The following ART3 variants were observed in gnomAD, a reference collection of about 807,000 sequenced individuals.
The protein encoded by ART3 is ecto-ADP-ribosyltransferase 3.
A neutral mutation model predicts 48.5 loss-of-function variants in ART3; 49 were observed. The ratio of observed to expected loss-of-function variants is 1.01; its 90% confidence interval spans 0.80 to 1.28. The LOEUF is 1.28. ART3 is among the 50% of genes most tolerant of loss of function. The pLI is 0.00. For missense variants in ART3, 438 were observed against 454.3 expected (o/e 0.96, Z 0.33); for synonymous variants, 145 against 157.2 (o/e 0.92, Z 0.58).
chr4:76,053,981 A>G (rs1022970871), intron 1 of ART3, among the ~76,000 whole-genome samples: 4 of 152,196 alleles, frequency 2.6e-5, no homozygotes, highest in Non-Finnish European at 5.9e-5. Context: ...TAATTTTTCA[A>G]GTTGGGAAAC....
At chr4:76,083,552 A>G (rs1044915911) in intron 3 of ART3, among the ~76,000 whole-genome samples, 1 of 152,148 alleles carries the variant, frequency 6.6e-6, no homozygotes, top group Non-Finnish European at 1.5e-5. Context: ...CATGTCACTC[A>G]TGCTCTTTCT....
At chr4:76,049,753 G>T (rs530614267) in intron 1 of ART3, among the ~76,000 whole-genome samples, 1 of 151,992 alleles carries the variant, frequency 6.6e-6, no homozygotes, top group East Asian at 1.9e-4. Context: ...TGGTCTTACC[G>T]CTCGGCGATA....
intron 1 of ART3, among the ~76,000 whole-genome samples, chr4:76,023,718 C>A (rs1026180652): frequency 6.6e-6 from 1 of 152,112 alleles, no homozygotes; most frequent in Non-Finnish European, 1.5e-5. Flanking sequence ...GTTTCACTTT[C>A]CAAAACATGA....
intron 1 of ART3, among the ~76,000 whole-genome samples, chr4:76,049,779 G>A (rs1328297539): frequency 6.6e-6 from 1 of 152,066 alleles, no homozygotes; most frequent in Admixed American, 6.6e-5. Flanking sequence ...AAGTCCCTTC[G>A]TGGTTGCCAA....
chr4:76,065,902 T>A (rs536285636), intron 1 of ART3, among the ~76,000 whole-genome samples: 1 of 152,160 alleles, frequency 6.6e-6, no homozygotes, highest in Admixed American at 6.5e-5. Flanking sequence ...CTGTAACCTT[T>A]AAGATTATCC....
intron 3 of ART3, among the ~76,000 whole-genome samples, chr4:76,088,134 T>G (rs891153214): frequency 1.3e-5 from 2 of 152,040 alleles, no homozygotes; most frequent in African/African-American, 4.8e-5. Flanking sequence ...AAATACCTGG[T>G]GGGAAGCCAT....
intron 3 of ART3, among the ~76,000 whole-genome samples, chr4:76,086,797 T>TGG (rs1723685849): frequency 6.6e-6 from 1 of 152,200 alleles, no homozygotes; most frequent in Admixed American, 6.5e-5. Flanking sequence ...CCAAGCCAGC[T>TGG]GGGGCCAGTT....
chr4:76,022,696 C>G, intron 1 of ART3: 1 of 1,613,654 alleles, frequency 6.2e-7, no homozygotes. Flanking sequence ...CTCACATGAT[C>G]TCAACACGTG....
intron 11 of ART3, chr4:76,112,079 G>A (rs1729599827): frequency 3.8e-6 from 1 of 261,198 alleles, no homozygotes; most frequent in African/African-American, 2.2e-5. Flanking sequence ...TCTATTATCA[G>A]TAAGGCTTCC....
chr4:76,030,605 A>G (rs1733789996), intron 1 of ART3, among the ~76,000 whole-genome samples: 1 of 152,208 alleles, frequency 6.6e-6, no homozygotes, highest in Non-Finnish European at 1.5e-5. Context: ...TTCATCACCC[A>G]GAAACTCCAT....
chr4:76,037,475 TG>T (rs1355867744), intron 1 of ART3, among the ~76,000 whole-genome samples: 21 of 152,302 alleles, frequency 1.4e-4, no homozygotes, highest in African/African-American at 4.3e-4. Context: ...AAGCCATTTT[TG>T]TTTTTTTTAA....
At chr4:76,106,754 G>C (rs1312687909) in intron 10 of ART3, among the ~76,000 whole-genome samples, 1 of 152,104 alleles carries the variant, frequency 6.6e-6, no homozygotes, top group Admixed American at 6.6e-5. Flanking sequence ...CTCCCTTTGT[G>C]CCCGAGCTGT....
chr4:76,094,596 A>AT (rs1725605928), intron 3 of ART3, among the ~76,000 whole-genome samples: 2 of 152,198 alleles, frequency 1.3e-5, no homozygotes, highest in South Asian at 4.1e-4. Flanking sequence ...TCCAGGGCTC[A>AT]TTATTTCTCA....
chr4:76,098,739 G>A (rs1038139284), intron 4 of ART3, among the ~76,000 whole-genome samples: 5 of 151,974 alleles, frequency 3.3e-5, no homozygotes, highest in African/African-American at 7.3e-5. Context: ...CAGCCTGGGC[G>A]ACAAAGCAAG....
intron 1 of ART3, among the ~76,000 whole-genome samples, chr4:76,033,488 A>AT (rs1734062032): frequency 2.0e-5 from 3 of 151,986 alleles, no homozygotes; most frequent in Admixed American, 2.0e-4. Flanking sequence ...CACATAAGGG[A>AT]TTTTCTCCAA....
intron 8 of ART3, 114 bp from the exon 9 acceptor site, chr4:76,103,823 C>G (rs1727858567): frequency 2.1e-6 from 2 of 935,974 alleles, no homozygotes; most frequent in Non-Finnish European, 3.2e-6. Context: ...TTTTCTTTCC[C>G]CCTGCCTTTT....
intron 8 of ART3, among the ~76,000 whole-genome samples, chr4:76,101,625 G>A (rs1028421794): frequency 2.6e-5 from 4 of 152,086 alleles, no homozygotes; most frequent in Non-Finnish European, 5.9e-5. Flanking sequence ...GGTGGCACAC[G>A]CCTGTAGTCT....
chr4:76,035,744 G>T (rs1399978924), intron 1 of ART3, among the ~76,000 whole-genome samples: 1 of 152,188 alleles, frequency 6.6e-6, no homozygotes, highest in Non-Finnish European at 1.5e-5. Context: ...ATAATTTCTA[G>T]TTTCAATAAT....
rs1013815788 is a variant in ART3 at position 76,024,416 on chromosome 4, A to AT, written c.-10+13096_-10+13097insT. Among the ~76,000 whole-genome samples the AT allele has an allele frequency of 7.2e-5, 11 of 152,148 alleles. 1 individual carries two copies. The highest frequency in any genetic ancestry group is 2.7e-4 in the African/African-American group (11 of 41,420). ...TAAATGCAAAGAAAAAGAAAAAAAA[A>AT]GTGTTGGCCATTGAGCTAGTAACAG... On this transcript the variant is annotated intron_variant, in intron 1 of 9. Transcript: ENST00000341029.
Sources: allele counts gnomAD v4.1 joint callset (sites outside exome capture counted in the v4.1 genomes callset), GRCh38; gene constraint gnomAD v4.1.1; transcripts MANE v1.5; gene names NCBI Gene and HGNC (gene_info 2026-07-23, HGNC 2026-07-21).